Variants in CDH2 observed in about 807,000 individuals in gnomAD.
CDH2 encodes the protein cadherin-2.
A neutral mutation model predicts 92.0 loss-of-function variants in CDH2; 17 were observed. That is an observed-to-expected ratio of 0.18 (90% CI 0.13 to 0.28). The LOEUF (loss-of-function observed/expected upper bound fraction) is 0.28, where lower values mean the gene tolerates loss of function less well. Ranked by LOEUF, CDH2 falls within the 10% of genes least tolerant of loss-of-function variation. The probability of loss-of-function intolerance (pLI) is 1.00; values close to 1 mark genes in which losing one functional copy is unlikely to be tolerated. For synonymous variants in CDH2, 419 were observed against 415.9 expected (o/e 1.01, Z -0.09); for missense variants, 862 against 1,133.1 (o/e 0.76, Z 3.44).
At chr18:28,170,833 A>G (rs1053495675) in intron 1 of CDH2, among the ~76,000 whole-genome samples, 1 of 152,130 alleles carries the variant, frequency 6.6e-6, no homozygotes, top group Non-Finnish European at 1.5e-5. Flanking sequence ...AAATAATCCA[A>G]TCTTTCGTAA....
At chr18:28,000,567 G>A (rs2012734115) in intron 7 of CDH2, among the ~76,000 whole-genome samples, 1 of 152,066 alleles carries the variant, frequency 6.6e-6, no homozygotes, top group Non-Finnish European at 1.5e-5. Flanking sequence ...GGGGGAGCAG[G>A]GGTGAGTCTT....
At chr18:27,985,782 C>T (rs201857469) in intron 11 of CDH2, 21 bp from the exon 12 acceptor site, 77 of 1,385,734 alleles carry the variant, frequency 5.6e-5, no homozygotes, top group Admixed American at 3.5e-4. Flanking sequence ...AGAAAAATCA[C>T]AAATGATGCT....
At chr18:27,992,530 C>T in intron 9 of CDH2, 125 bp downstream of exon 9, 1 of 713,046 alleles carries the variant, frequency 1.4e-6, no homozygotes, top group Non-Finnish European at 2.3e-6. Context: ...ATATATCAGA[C>T]CCACATCTGG....
chr18:28,121,751 A>C (rs1036397022), intron 2 of CDH2, among the ~76,000 whole-genome samples: 9 of 152,234 alleles, frequency 5.9e-5, no homozygotes, highest in Admixed American at 3.3e-4. Flanking sequence ...GGTGCGATAG[A>C]TGATAAAAGT....
intron 1 of CDH2, among the ~76,000 whole-genome samples, chr18:28,176,102 C>T (rs1370062576): frequency 1.3e-5 from 2 of 152,174 alleles, no homozygotes; most frequent in African/African-American, 4.8e-5. Context: ...TGCTTCCTGC[C>T]GCGGAGGAGC....
chr18:28,150,332 T>C (rs1050571632), intron 1 of CDH2, among the ~76,000 whole-genome samples: 1 of 152,166 alleles, frequency 6.6e-6, no homozygotes, highest in African/African-American at 2.4e-5. Flanking sequence ...TGCGGGTTTG[T>C]GGGTAAGAAC....
intron 14 of CDH2, among the ~76,000 whole-genome samples, chr18:27,979,651 G>A (rs1191244631): frequency 6.6e-6 from 1 of 152,166 alleles, no homozygotes; most frequent in Non-Finnish European, 1.5e-5. Context: ...AAAAATGAAC[G>A]ACTTCTACAC....
At chr18:28,126,095 A>C (rs544889808) in intron 2 of CDH2, among the ~76,000 whole-genome samples, 2 of 152,330 alleles carry the variant, frequency 1.3e-5, no homozygotes, top group Non-Finnish European at 1.5e-5. Flanking sequence ...AAAAGTTTAT[A>C]GATTATTTAT....
At position 27,999,837 on chromosome 18, in the gene CDH2, G is replaced by A. The variant is rs569837996; in HGVS notation, c.1020+3160C>T. Among the ~76,000 whole-genome samples the A allele has an allele frequency of 5.9e-5, 9 of 151,908 alleles. No individual in the cohort carries two copies. The South Asian group carries it at 1.0e-3, about 18-fold the overall frequency. ...CTCATAATACCCATGTGTCAAGGGC[G>A]GAACCGGGTGGAGGTAACTGAATCA... On this transcript the variant is annotated intron_variant, in intron 7 of 15. Transcript: ENST00000269141.
intron 15 of CDH2, among the ~76,000 whole-genome samples, chr18:27,962,558 T>C (rs896367551): frequency 2.6e-5 from 4 of 152,182 alleles, no homozygotes; most frequent in South Asian, 2.1e-4. Flanking sequence ...TATTCTGATC[T>C]TGGAGACACC....
chr18:28,148,680 C>A (rs1321025335), intron 1 of CDH2, among the ~76,000 whole-genome samples: 1 of 152,064 alleles, frequency 6.6e-6, no homozygotes, highest in Non-Finnish European at 1.5e-5. Context: ...GAAGGGATTC[C>A]AGTGGCCATA....
chr18:28,128,194 T>C (rs949905521), intron 2 of CDH2, among the ~76,000 whole-genome samples: 6 of 152,176 alleles, frequency 3.9e-5, no homozygotes, highest in Admixed American at 3.3e-4. Flanking sequence ...TTCAAGTGTA[T>C]AGTAAAAGTG....
chr18:28,080,372 T>G (rs996347780), intron 2 of CDH2, among the ~76,000 whole-genome samples: 1 of 152,188 alleles, frequency 6.6e-6, no homozygotes, highest in Non-Finnish European at 1.5e-5. Context: ...AAATTAAAAT[T>G]CCACAGAAAT....
chr18:28,024,781 A>C (rs2013505943), intron 2 of CDH2, among the ~76,000 whole-genome samples: 2 of 151,938 alleles, frequency 1.3e-5, no homozygotes, highest in South Asian at 4.1e-4. Context: ...TAATTCTAAA[A>C]CACACAAAAT....
At chr18:27,958,268 T>C (rs1017624673) in intron 15 of CDH2, among the ~76,000 whole-genome samples, 4 of 151,966 alleles carry the variant, frequency 2.6e-5, no homozygotes, top group Non-Finnish European at 4.4e-5. Context: ...TTAAAATTAA[T>C]TAATAGGAGA....
downstream of CDH2, among the ~76,000 whole-genome samples, chr18:27,948,601 CAAAT>C (rs767016736): frequency 3.3e-5 from 5 of 151,500 alleles, no homozygotes; most frequent in Non-Finnish European, 5.9e-5. Context: ...TAGAAAAACA[CAAAT>C]AACTCAACAG....
intron 2 of CDH2, among the ~76,000 whole-genome samples, chr18:28,141,259 G>C (rs1350437678): frequency 1.3e-5 from 2 of 151,652 alleles, no homozygotes; most frequent in African/African-American, 2.4e-5. Context: ...AAAAGAACAG[G>C]GTAATAATAC....
intron 2 of CDH2, among the ~76,000 whole-genome samples, chr18:28,130,760 A>G (rs2015755156): frequency 6.6e-6 from 1 of 152,226 alleles, no homozygotes; most frequent in African/African-American, 2.4e-5. Flanking sequence ...TAATGCTGCC[A>G]AGACTTTCTG....
In CDH2 at chr18:27,951,087, T is replaced by A. The variant is rs1909417149; in HGVS notation, c.*1066A>T. ...GTCTCTCCAGTTTAAAAGCTTTTTTTTTTCCATTTTTTTTTTAAAAAAACA... is the reference window on the plus strand; with the variant it reads ...GTCTCTCCAGTTTAAAAGCTTTTTTATTTCCATTTTTTTTTTAAAAAAACA... On this transcript the variant is annotated 3_prime_UTR_variant, in exon 16 of 16. Transcript: ENST00000269141. 1 of 152,240 alleles carries A rather than the reference T, an allele frequency of 6.6e-6. No homozygotes were observed. Among genetic ancestry groups the A allele is most frequent in the Non-Finnish European group, 1.5e-5 (1 of 67,968 alleles). The allele number at this position is 152,240 out of a possible 1,614,324, so 9.4% of individuals were successfully genotyped here.
Sources: gnomAD v4.1 joint callset for allele counts (sites outside exome capture counted in the v4.1 genomes callset) on GRCh38, gnomAD v4.1.1 for gene constraint, MANE v1.5 for transcripts, NCBI Gene and HGNC (gene_info 2026-07-23, HGNC 2026-07-21) for gene names.